PARP6: variants seen among roughly 807,000 people sequenced by gnomAD.
PARP6 encodes poly(ADP-ribose) polymerase family member 6.
In PARP6, 27 loss-of-function variants were observed where a neutral mutation model predicts 92.0. That is an observed-to-expected ratio of 0.29 (90% CI 0.22 to 0.40). PARP6 has a LOEUF of 0.40. Ranked by LOEUF, PARP6 falls within the 10% of genes least tolerant of loss-of-function variation. The probability of loss-of-function intolerance (pLI) is 1.00; values close to 1 mark genes in which losing one functional copy is unlikely to be tolerated. For missense variants in PARP6, 501 were observed against 784.5 expected (o/e 0.64, Z 4.32); for synonymous variants, 272 against 281.2 (o/e 0.97, Z 0.33).
chr15:72,254,582 G>C lies in PARP6; in HGVS notation c.1126-62C>G, dbSNP rs372513264. On this transcript the variant is annotated intron_variant, in intron 14 of 23. Transcript: ENST00000569795. ...AGAAAAGTAGAGGAAAGTAAGATGT[G>C]ATGAAAAGGGGCTAGATGTACCAAA... is the stretch of plus-strand genomic sequence containing the variant. 1.7e-3 allele frequency: 2,188 copies of C among 1,308,968 alleles called. 6 individuals are homozygous for C. The highest frequency in any genetic ancestry group is 2.2e-3 in the Non-Finnish European group (1,983 of 908,972). 81.1% of individuals were successfully genotyped at this position (1,308,968 alleles called of 1,614,324 possible). A position where few individuals can be genotyped will look rare whatever the true frequency, so the allele number is the denominator to read the frequency against.
chr15:72,246,108 C>T (rs902183291), intron 20 of PARP6, among the ~76,000 whole-genome samples: 1 of 152,194 alleles, frequency 6.6e-6, no homozygotes, highest in African/African-American at 2.4e-5. Flanking sequence ...GTCACTTGCC[C>T]TGTGTGGATT....
intron 1 of PARP6, 144 bp from the exon 2 acceptor site, chr15:72,271,431 G>A (rs139547594): frequency 6.6e-6 from 1 of 152,216 alleles, no homozygotes; most frequent in African/African-American, 2.4e-5. Context: ...TTCCTCTGGA[G>A]AGATGGAAAG....
In PARP6 at chr15:72,256,483, A is replaced by T; in HGVS notation, c.1107T>A (p.Thr369=). ...PSVVDPTDPK[T]LAFNPKKKNY... is the part of the protein sequence containing the mutation. ...AACATACCTTAGGGTTAAAGGCCAG[A>T]GTCTTGGGATCAGTGGGGTCCACCA... Residue 369 remains threonine (T), a synonymous_variant, in exon 14 of 24, where the codon ACT becomes ACA. Transcript: ENST00000569795. 6.3e-7 allele frequency: 1 copy of T among 1,576,192 alleles called. No individual in the cohort carries two copies.
At chr15:72,250,804 C>T (rs755203392) in intron 18 of PARP6, 41 bp downstream of exon 18, 4 of 937,746 alleles carry the variant, frequency 4.3e-6, no homozygotes, top group Admixed American at 4.1e-5. Flanking sequence ...CTCATCCCCG[C>T]CCCCTCACCA....
chr15:72,256,440 G>C, intron 14 of PARP6, 25 bp downstream of exon 14: 1 of 1,513,712 alleles, frequency 6.6e-7, no homozygotes. Flanking sequence ...CTGTTCCTTA[G>C]CCCTGACTTT....
At chr15:72,254,866 T>C (rs1236914930) in intron 14 of PARP6, among the ~76,000 whole-genome samples, 1 of 152,184 alleles carries the variant, frequency 6.6e-6, no homozygotes, top group Non-Finnish European at 1.5e-5. Context: ...TGCTGGGTAC[T>C]TGTGATGGTT....
chr15:72,272,076 GACT>G (rs1402530975), intron 1 of PARP6, among the ~76,000 whole-genome samples: 1 of 152,170 alleles, frequency 6.6e-6, no homozygotes, highest in Admixed American at 6.5e-5. Flanking sequence ...ACTAAACAAA[GACT>G]ACTAGGAAGA....
At chr15:72,267,110 G>T in intron 3 of PARP6, 1 of 508,934 alleles carries the variant, frequency 2.0e-6, no homozygotes. Flanking sequence ...GTAGCCAGTA[G>T]GAAAGAAATG....
At chr15:72,259,373 T>A (rs2085546434) in intron 11 of PARP6, among the ~76,000 whole-genome samples, 5 of 152,234 alleles carry the variant, frequency 3.3e-5, no homozygotes, top group South Asian at 2.1e-4. Context: ...TCGACACTCA[T>A]ACACTTAAAA....
At chr15:72,264,109 C>T (rs768459076) in intron 8 of PARP6, among the ~76,000 whole-genome samples, 6 of 151,910 alleles carry the variant, frequency 3.9e-5, no homozygotes, top group Non-Finnish European at 7.4e-5. Context: ...CTTACATATT[C>T]ACCTGTATTA....
chr15:72,266,649 A>C (rs2086632274), intron 4 of PARP6, 96 bp downstream of exon 4: 1 of 875,486 alleles, frequency 1.1e-6, no homozygotes, highest in Non-Finnish European at 1.9e-6. Context: ...ACCTCATCTC[A>C]TCTGTGCTCC....
chr15:72,268,510 C>T (rs900266274), intron 2 of PARP6, among the ~76,000 whole-genome samples: 3 of 152,232 alleles, frequency 2.0e-5, no homozygotes, highest in African/African-American at 7.2e-5. Flanking sequence ...ACCAGCCTGA[C>T]CAATGGGGTG....
chr15:72,256,360 C>G, intron 14 of PARP6, 105 bp downstream of exon 14: 1 of 899,170 alleles, frequency 1.1e-6, no homozygotes, highest in Non-Finnish European at 1.5e-6. Flanking sequence ...TTTAAGAATT[C>G]TGTCCCTTAT....
At chr15:72,246,791 G>A (rs754825127) in intron 20 of PARP6, among the ~76,000 whole-genome samples, 16 of 149,918 alleles carry the variant, frequency 1.1e-4, no homozygotes, top group Non-Finnish European at 1.9e-4. Context: ...GTCTTGCTCT[G>A]TTACCCAGGC....
chr15:72,266,792 C>T lies in PARP6; in HGVS notation c.34G>A (p.Asp12Asn), dbSNP rs764740167. The T allele has an allele frequency of 1.9e-6, 3 of 1,614,030 alleles. No homozygotes were observed. Among genetic ancestry groups the T allele is most frequent in the Non-Finnish European group, 2.5e-6 (3 of 1,179,924 alleles). Residue 12 changes from aspartate to asparagine, a missense_variant, in exon 4 of 24, where the codon GAC (aspartate) becomes AAC (asparagine). Coordinates refer to ENST00000569795, the MANE Select transcript of PARP6 (RefSeq NM_001323532.2). ...TCTGATTCATTATCTCCCTCCGAGT[C>T]GTCATCATTCCAGAACTGGCCTTTG... is the stretch of plus-strand genomic sequence containing the variant. ...DIKGQFWNDDDSEGDNESEEF... is the reference protein window; with the variant it reads ...DIKGQFWNDDNSEGDNESEEF...
intron 11 of PARP6, 53 bp from the exon 12 acceptor site, chr15:72,258,185 T>C (rs568917647): frequency 6.0e-6 from 8 of 1,333,780 alleles, no homozygotes; most frequent in African/African-American, 4.3e-5. Flanking sequence ...CACACAGATA[T>C]GGGAAATAAT....
At chr15:72,246,457 T>C (rs1470084990) in intron 20 of PARP6, among the ~76,000 whole-genome samples, 1 of 152,078 alleles carries the variant, frequency 6.6e-6, no homozygotes, top group African/African-American at 2.4e-5. Context: ...CTCATTATTA[T>C]TTTTTAATAA....
chr15:72,269,480 C>T (rs2087071231), intron 2 of PARP6, among the ~76,000 whole-genome samples: 1 of 151,996 alleles, frequency 6.6e-6, no homozygotes, highest in South Asian at 2.1e-4. Context: ...TACAGTTCTA[C>T]TGAATGTCAG....
In PARP6 at chr15:72,271,140, A is replaced by C. The variant is rs1181106316; in HGVS notation, c.-312T>G. ...ACAGAGGAATAAAGAGGGAGGCACT[A>C]AATGTCCAGCCTGGGTTGCCCTGGG... is the stretch of plus-strand genomic sequence containing the variant. On this transcript the variant is annotated 5_prime_UTR_variant, in exon 2 of 24. Transcript: ENST00000569795. 6.6e-6 allele frequency: 1 copy of C among 152,166 alleles called. No homozygotes were observed. Among genetic ancestry groups the C allele is most frequent in the Non-Finnish European group, 1.5e-5 (1 of 68,034 alleles). 9.4% of individuals were successfully genotyped at this position (152,166 alleles called of 1,614,324 possible).
Sources: allele counts gnomAD v4.1 joint callset (sites outside exome capture counted in the v4.1 genomes callset), GRCh38; gene constraint gnomAD v4.1.1; transcripts MANE v1.5; gene names NCBI Gene and HGNC (gene_info 2026-07-23, HGNC 2026-07-21).